The following MCPH1 variants were observed in gnomAD, a reference collection of about 807,000 sequenced individuals.
MCPH1 encodes the protein microcephalin.
A neutral mutation model predicts 84.5 loss-of-function variants in MCPH1; 104 were observed. The observed-to-expected ratio is 1.23, with a 90% CI of 1.05 to 1.45. The LOEUF is 1.45. Among genes scored for constraint, MCPH1 ranks in the 40% most tolerant of loss-of-function variants. The pLI, the probability that MCPH1 is intolerant of heterozygous loss-of-function variation, is 0.00. For missense variants in MCPH1, 1,498 were observed against 1,005.7 expected, an observed-to-expected ratio of 1.49 and a Z score of -6.62; for synonymous variants, 514 against 366.8, an observed-to-expected ratio of 1.40 and a Z score of -4.58.
chr8:6,509,388 C>T (rs1173227426), intron 12 of MCPH1, among the ~76,000 whole-genome samples: 4 of 152,216 alleles, frequency 2.6e-5, no homozygotes, highest in African/African-American at 7.2e-5. Context: ...CCAGGCTCCT[C>T]CTCCCAGGTC....
Position 6,445,213 on chromosome 8 carries a change from T to TTGCGTGACTTC in MCPH1, c.1495_1505dup (p.Pro503Ter), listed in dbSNP as rs1804125858. On this transcript the variant is annotated frameshift_variant, in exon 8 of 14. Coordinates refer to ENST00000344683, the MANE Select transcript of MCPH1 (RefSeq NM_024596.5). LOFTEE classifies it high-confidence loss of function. ...ATGGTGAAGGCCGTGCAACTTCGAG[T>TTGCGTGACTTC]TGCGTGACTTCTGCCCCTGAAGAAG... 2 of 1,614,068 alleles carry TTGCGTGACTTC rather than the reference T, an allele frequency of 1.2e-6. No homozygotes were observed. Among genetic ancestry groups the TTGCGTGACTTC allele is most frequent in the Non-Finnish European group, 1.7e-6 (2 of 1,180,028 alleles).
chr8:6,540,191 C>A (rs1206768717), intron 12 of MCPH1, among the ~76,000 whole-genome samples: 1 of 152,140 alleles, frequency 6.6e-6, no homozygotes, highest in Non-Finnish European at 1.5e-5. Context: ...ATTTTTTTCA[C>A]ATATATTTGA....
intron 12 of MCPH1, among the ~76,000 whole-genome samples, chr8:6,529,339 A>T (rs140033220): frequency 6.6e-6 from 1 of 152,190 alleles, no homozygotes; most frequent in African/African-American, 2.4e-5. Context: ...AGAAATTTTC[A>T]GATTTGAATT....
At chr8:6,573,056 G>A (rs17077573) in intron 12 of MCPH1, among the ~76,000 whole-genome samples, 18,775 of 152,162 alleles carry the variant, frequency 0.12, 1,836 homozygotes, top group African/African-American at 0.27. Context: ...AATAAAAGGC[G>A]AGACCACGGA....
chr8:6,545,448 A>C (rs963869615), intron 12 of MCPH1, among the ~76,000 whole-genome samples: 6 of 152,154 alleles, frequency 3.9e-5, no homozygotes, highest in African/African-American at 1.4e-4. Flanking sequence ...GGGTGGTTTT[A>C]TTTGTCTCTG....
At chr8:6,484,266 T>G (rs1318126264) in intron 11 of MCPH1, among the ~76,000 whole-genome samples, 1 of 152,108 alleles carries the variant, frequency 6.6e-6, no homozygotes, top group Non-Finnish European at 1.5e-5. Flanking sequence ...GAATAGACAG[T>G]TTACTGAGGA....
rs1798214675 is a variant in MCPH1 at position 6,409,350 on chromosome 8, C to G, written c.94C>G (p.Leu32Val). The change falls in exon 2 of 14, where the codon CTT becomes GTT. Residue 32 changes from leucine (L) to valine (V), a missense_variant. Leu to Val is a conservative substitution (Grantham distance 32). Coordinates refer to ENST00000344683, the MANE Select transcript of MCPH1 (RefSeq NM_024596.5). ...ENYSKTFTTQ[L>V]VDMGAKVSKT... The stretch of plus-strand genomic sequence containing the variant: ...TTATTCAAAGACATTTACAACACAG[C>G]TTGTGGATATGGGGGCAAAGGTAAG... The G allele has an allele frequency of 1.2e-6, 2 of 1,613,474 alleles. No individual in the cohort carries two copies. The highest frequency in any genetic ancestry group is 1.7e-6 in the Non-Finnish European group (2 of 1,179,574).
intron 11 of MCPH1, among the ~76,000 whole-genome samples, chr8:6,481,448 G>T (rs542938114): frequency 6.6e-6 from 1 of 152,250 alleles, no homozygotes; most frequent in East Asian, 1.9e-4. Context: ...AACTGTTATT[G>T]GTTCTATTAT....
At chr8:6,613,140 G>A (rs542204101) in intron 12 of MCPH1, among the ~76,000 whole-genome samples, 6 of 152,276 alleles carry the variant, frequency 3.9e-5, no homozygotes, top group East Asian at 1.9e-4. Context: ...AGCAGGTGCC[G>A]GGTGCCGGGA....
chr8:6,638,181 G>T (rs1231741081), intron 13 of MCPH1, among the ~76,000 whole-genome samples: 1 of 152,158 alleles, frequency 6.6e-6, no homozygotes, highest in Non-Finnish European at 1.5e-5. Context: ...GTAACCTGCT[G>T]GGCTCTACTG....
chr8:6,495,009 C>A (rs577559878), intron 11 of MCPH1, among the ~76,000 whole-genome samples: 88 of 152,234 alleles, frequency 5.8e-4, no homozygotes, highest in African/African-American at 2.1e-3. Context: ...TTATAGGAAG[C>A]ATTTCTTGAT....
chr8:6,495,819 T>A (rs1211854111), intron 11 of MCPH1, among the ~76,000 whole-genome samples: 1 of 152,216 alleles, frequency 6.6e-6, no homozygotes, highest in Admixed American at 6.5e-5. Flanking sequence ...TAAAGCGGAA[T>A]GTAAAACATA....
At chr8:6,542,276 C>T (rs1473930804) in intron 12 of MCPH1, among the ~76,000 whole-genome samples, 2 of 151,842 alleles carry the variant, frequency 1.3e-5, no homozygotes, top group Non-Finnish European at 2.9e-5. Context: ...CATTTGTCTA[C>T]ACATGTGAGG....
chr8:6,623,911 G>C (rs1022029387), intron 13 of MCPH1, among the ~76,000 whole-genome samples: 5 of 152,166 alleles, frequency 3.3e-5, no homozygotes, highest in African/African-American at 1.2e-4. Context: ...GCCAGCTGAC[G>C]GAACTGTGCA....
chr8:6,626,010 C>G, intron 13 of MCPH1: 1 of 985,292 alleles, frequency 1.0e-6, no homozygotes, highest in Non-Finnish European at 1.2e-6. Context: ...GACAGCTCTT[C>G]CCCTGGGACT....
intron 13 of MCPH1, among the ~76,000 whole-genome samples, chr8:6,628,682 T>C (rs1353856821): frequency 6.6e-6 from 1 of 152,200 alleles, no homozygotes; most frequent in East Asian, 1.9e-4. Flanking sequence ...CTTTGAAGAC[T>C]ATTTTGCTGT....
At chr8:6,604,888 A>G (rs1461574492) in intron 12 of MCPH1, among the ~76,000 whole-genome samples, 1 of 152,218 alleles carries the variant, frequency 6.6e-6, no homozygotes, top group African/African-American at 2.4e-5. Flanking sequence ...GCTGGGGGGA[A>G]ATTGAGTCTC....
rs192141483 is a variant in MCPH1 at position 6,480,037 on chromosome 8, A to C, written c.1974-677A>C. ...TTCTGAGCATGCACAGATAGGTTCA[A>C]ATAGGCCTGAAAAACAAATCATTGC... On this transcript the variant is annotated intron_variant, in intron 10 of 13. Coordinates refer to ENST00000344683, the MANE Select transcript of MCPH1 (RefSeq NM_024596.5). Among the ~76,000 whole-genome samples, 22 of 152,294 alleles carry C rather than the reference A, an allele frequency of 1.4e-4. No individual in the cohort carries two copies. In the East Asian group the frequency reaches 4.2e-3, roughly 29 times the overall value.
chr8:6,525,869 G>C (rs1563345818), intron 12 of MCPH1, among the ~76,000 whole-genome samples: 1 of 152,136 alleles, frequency 6.6e-6, no homozygotes, highest in Non-Finnish European at 1.5e-5. Flanking sequence ...CAATATGATT[G>C]GAAAAATATT....
Sources: gnomAD v4.1 joint callset for allele counts (sites outside exome capture counted in the v4.1 genomes callset) on GRCh38, gnomAD v4.1.1 for gene constraint, MANE v1.5 for transcripts, NCBI Gene and HGNC (gene_info 2026-07-23, HGNC 2026-07-21) for gene names.